The following MECR variants were observed in gnomAD, a reference collection of about 807,000 sequenced individuals.
The protein encoded by MECR is mitochondrial trans-2-enoyl-CoA reductase.
In MECR, 37 loss-of-function variants were observed where a neutral mutation model predicts 49.1. The observed-to-expected ratio is 0.75, with a 90% CI of 0.58 to 0.99. The LOEUF is 0.99. MECR is among the 50% of genes least tolerant of loss of function. The pLI is 0.00. For synonymous variants in MECR, 198 were observed against 191.1 expected, an observed-to-expected ratio of 1.04 and a Z score of -0.30; for missense variants, 470 against 479.6, an observed-to-expected ratio of 0.98 and a Z score of 0.19.
In MECR at chr1:29,230,889, G is replaced by A; in HGVS notation, c.18C>T (p.Thr6=). 6.2e-7 allele frequency: 1 copy of A among 1,608,186 alleles called. No individual in the cohort carries two copies. Among genetic ancestry groups the A allele is most frequent in the South Asian group, 1.1e-5 (1 of 90,848 alleles). The change falls in exon 1 of 10, where the codon ACC becomes ACT. Residue 6 remains threonine, a synonymous_variant. Coordinates refer to ENST00000263702, the MANE Select transcript of MECR (RefSeq NM_016011.5). The part of the protein sequence containing the change: MWVCS[T]LWRVRTPARQ... ...GGGCGGGGGTTCGCACCCGCCACAG[G>A]GTACTGCAGACCCACATGCTCGCTC...
chr1:29,217,420 T>G (rs1679763637), intron 1 of MECR, among the ~76,000 whole-genome samples: 1 of 151,940 alleles, frequency 6.6e-6, no homozygotes, highest in African/African-American at 2.4e-5. Context: ...TTTCACTATG[T>G]TGGCCAGGCT....
chr1:29,212,131 C>T (rs1312294417), intron 3 of MECR, among the ~76,000 whole-genome samples: 1 of 152,186 alleles, frequency 6.6e-6, no homozygotes, highest in East Asian at 1.9e-4. Flanking sequence ...AAAGACTCAC[C>T]TGCTGGCCAG....
chr1:29,229,687 T>C (rs2151927402), intron 1 of MECR, among the ~76,000 whole-genome samples: 1 of 152,282 alleles, frequency 6.6e-6, no homozygotes, highest in East Asian at 1.9e-4. Flanking sequence ...GTCTGTACTG[T>C]CTCCATTTTT....
At chr1:29,206,692 T>G in intron 4 of MECR, 70 bp downstream of exon 4, 1 of 1,556,150 alleles carries the variant, frequency 6.4e-7, no homozygotes, top group Non-Finnish European at 8.8e-7. Flanking sequence ...CTCCTGGCCT[T>G]GGGGTCAGGA....
chr1:29,196,156 C>T (rs1418222735), intron 8 of MECR, 42 bp downstream of exon 8: 2 of 1,612,350 alleles, frequency 1.2e-6, no homozygotes, highest in Non-Finnish European at 1.7e-6. Context: ...GCTGAGGTGT[C>T]TGGCCCGGCT....
At chr1:29,216,193 T>C in intron 2 of MECR, 57 bp from the exon 3 acceptor site, 10 of 1,602,344 alleles carry the variant, frequency 6.2e-6, no homozygotes, top group Non-Finnish European at 8.5e-6. Flanking sequence ...TGAAAGAGCA[T>C]GGACTTGAGT....
chr1:29,199,320 G>A (rs541147604), intron 7 of MECR, among the ~76,000 whole-genome samples: 2 of 152,014 alleles, frequency 1.3e-5, no homozygotes, highest in East Asian at 2.0e-4. Context: ...CTCTGCCTCC[G>A]GGGTTCACGC....
chr1:29,174,977 G>A, the MECR span, among the ~76,000 whole-genome samples: 1 of 143,570 alleles, frequency 7.0e-6, no homozygotes, highest in African/African-American at 2.6e-5. Context: ...TGGCCGGTGG[G>A]TTTTTTAATT....
the MECR span, among the ~76,000 whole-genome samples, chr1:29,175,211 A>G: frequency 6.7e-6 from 1 of 149,408 alleles, no homozygotes; most frequent in African/African-American, 2.5e-5. Flanking sequence ...TCAGGAGTTC[A>G]AAACCAGGCT....
the MECR span, chr1:29,169,945 G>A: frequency 6.6e-6 from 1 of 152,154 alleles, no homozygotes; most frequent in Non-Finnish European, 1.5e-5. Context: ...CTTTGTTTTA[G>A]CTATTCAAAA....
At chr1:29,213,177 A>T (rs1442189950) in intron 3 of MECR, among the ~76,000 whole-genome samples, 2 of 152,208 alleles carry the variant, frequency 1.3e-5, no homozygotes, top group Non-Finnish European at 2.9e-5. Flanking sequence ...AGCCAAGAGC[A>T]CTCTGAGGGC....
intron 9 of MECR, among the ~76,000 whole-genome samples, 165 bp downstream of exon 9, chr1:29,195,776 A>G (rs1208995387): frequency 6.6e-6 from 1 of 152,168 alleles, no homozygotes; most frequent in African/African-American, 2.4e-5. Flanking sequence ...GTTTAGTCCA[A>G]TAACTGTTTG....
At chr1:29,226,799 T>C (rs1200914946) in intron 1 of MECR, among the ~76,000 whole-genome samples, 1 of 151,950 alleles carries the variant, frequency 6.6e-6, no homozygotes, top group African/African-American at 2.4e-5. Context: ...CCCCGTAATA[T>C]ACAGGGAGCA....
At chr1:29,177,763 G>T in the MECR span, among the ~76,000 whole-genome samples, 2 of 152,082 alleles carry the variant, frequency 1.3e-5, no homozygotes, top group East Asian at 3.8e-4. Flanking sequence ...TAAAACGGTA[G>T]GCAATGAACT....
chr1:29,219,141 C>A (rs890892927), intron 1 of MECR, among the ~76,000 whole-genome samples: 11 of 152,286 alleles, frequency 7.2e-5, no homozygotes, highest in Admixed American at 7.2e-4. Context: ...CAGGTGGGCA[C>A]TAAGCAAGGA....
Position 29,203,118 on chromosome 1 carries a change from C to T in MECR, c.653+13G>A. The T allele has an allele frequency of 6.4e-7, 1 of 1,556,928 alleles. No homozygotes were observed. Among genetic ancestry groups the T allele is most frequent in the Middle Eastern group, 1.7e-4 (1 of 5,964 alleles). Reference sequence around the variant, plus strand: ...AAGACATGGTCTGGGATGAAGCCTCCTTCCCCACGCACCTGTCTCGGACCA... The same window carrying T: ...AAGACATGGTCTGGGATGAAGCCTCTTTCCCCACGCACCTGTCTCGGACCA... On this transcript the variant is annotated intron_variant, in intron 5 of 9. Coordinates refer to ENST00000263702, the MANE Select transcript of MECR (RefSeq NM_016011.5).
rs577674550 is a variant in MECR at position 29,192,723 on chromosome 1, T to C, written c.*1299A>G. The stretch of plus-strand genomic sequence containing the variant: ...ATACCAAAAAGTCACGTCAAGCTCT[T>C]CTCTCGGCCTGAATAAAGCTCACTC... On this transcript the variant is annotated 3_prime_UTR_variant, in exon 10 of 10. Coordinates refer to ENST00000263702, the MANE Select transcript of MECR (RefSeq NM_016011.5). 2.0e-5 allele frequency: 3 copies of C among 152,216 alleles called. No homozygotes were observed. Among genetic ancestry groups the C allele is most frequent in the East Asian group, 3.9e-4 (2 of 5,176 alleles). 9.4% of individuals were successfully genotyped at this position (152,216 alleles called of 1,614,324 possible).
chr1:29,176,200 T>C, the MECR span, among the ~76,000 whole-genome samples: 2 of 151,756 alleles, frequency 1.3e-5, no homozygotes, highest in African/African-American at 4.8e-5. Flanking sequence ...TGCAGTGAGC[T>C]GAGATTGTAC....
rs747139136 is a variant in MECR at position 29,196,186 on chromosome 1, C to T, written c.891+12G>A. On this transcript the variant is annotated intron_variant, in intron 8 of 9. Transcript: ENST00000263702. ...CCGGCTCCAGGCATGCCTCCCTCTG[C>T]ACCCAGCTTACCACAGAGGCTACGA... is the stretch of plus-strand genomic sequence containing the variant. 5 of 1,614,124 alleles carry T rather than the reference C, an allele frequency of 3.1e-6. No individual in the cohort carries two copies. Among genetic ancestry groups the T allele is most frequent in the Non-Finnish European group, 3.4e-6 (4 of 1,179,952 alleles).
Sources: gnomAD v4.1 joint callset for allele counts (sites outside exome capture counted in the v4.1 genomes callset) on GRCh38, gnomAD v4.1.1 for gene constraint, MANE v1.5 for transcripts, NCBI Gene and HGNC (gene_info 2026-07-23, HGNC 2026-07-21) for gene names.